PIEZO1: variants seen among roughly 807,000 people sequenced by gnomAD.
PIEZO1 encodes piezo-type mechanosensitive ion channel component 1.
PIEZO1 carries 296 observed loss-of-function variants against 297.2 expected under a neutral mutation model. The ratio of observed to expected loss-of-function variants is 1.00; its 90% CI spans 0.91 to 1.10. PIEZO1 has a LOEUF of 1.10. Among genes scored for constraint, PIEZO1 ranks in the 50% least tolerant of loss-of-function variants. The pLI is 0.00. For missense variants in PIEZO1, 5,018 were observed against 3,455.5 expected (o/e 1.45, Z -11.34); for synonymous variants, 2,427 against 1,507.5 (o/e 1.61, Z -14.13).
At chr16:88,715,888 C>T (rs569621969) in intron 50 of PIEZO1, 34 bp from the exon 51 acceptor site, 82 of 1,543,460 alleles carry the variant, frequency 5.3e-5, no homozygotes, top group Admixed American at 1.8e-4. Flanking sequence ...TGGGGCCGCC[C>T]GGAGCCCCCC....
At position 88,716,612 on chromosome 16, in the gene PIEZO1, C is replaced by T. The variant is rs1197230839; in HGVS notation, c.6873G>A (p.Glu2291=). 3 of 1,549,830 alleles carry T rather than the reference C, an allele frequency of 1.9e-6. No homozygotes were observed. In the African/African-American group the frequency reaches 4.1e-5, roughly 21 times the overall value. ...TGATGTCGGCCGTGCCGTTGTAGAG[C>T]TCCCGCTTCATCTGGGCACGGCTGG... ...SPPSRAQMKR[E]LYNGTADITL... is the part of the protein sequence containing the mutation. Residue 2291 remains glutamate, a synonymous_variant, in exon 47 of 51, where the codon GAG becomes GAA. Coordinates refer to ENST00000301015, the MANE Select transcript of PIEZO1 (RefSeq NM_001142864.4).
intron 1 of PIEZO1, among the ~76,000 whole-genome samples, chr16:88,757,948 G>A (rs1180939136): frequency 6.6e-6 from 1 of 152,200 alleles, no homozygotes; most frequent in Non-Finnish European, 1.5e-5. Flanking sequence ...CTCAGAAGGT[G>A]CCACAGAAAG....
chr16:88,720,459 C>T lies in PIEZO1; in HGVS notation c.5875G>A (p.Asp1959Asn), dbSNP rs930118164. Residue 1959 changes from aspartate (D) to asparagine (N), a missense_variant, in exon 41 of 51, where the codon GAC becomes AAC. Coordinates refer to ENST00000301015, the MANE Select transcript of PIEZO1 (RefSeq NM_001142864.4). ...GCCAGGAACATGAGGGCATAGACGT[C>T]GGTGGCTGCGCGGTACTTGGTGTGC... ...ILHTKYRAAT[D>N]VYALMFLADV... The T allele has an allele frequency of 1.0e-5, 16 of 1,550,344 alleles. No individual in the cohort carries two copies. The Admixed American group carries it at 1.2e-4, about 11-fold the overall frequency.
In PIEZO1 at chr16:88,716,561, C is replaced by T. The variant is rs1469164472; in HGVS notation, c.6924G>A (p.Gln2308=). 3 of 1,542,480 alleles carry T rather than the reference C, an allele frequency of 1.9e-6. No individual in the cohort carries two copies. Among genetic ancestry groups the T allele is most frequent in the African/African-American group, 1.4e-5 (1 of 72,972 alleles). Residue 2308 remains glutamine (Q), a splice_region_variant and synonymous_variant, in exon 47 of 51, where the codon CAG becomes CAA. Transcript: ENST00000301015. The part of the protein sequence containing the change: ...DITLRFTWNF[Q]RDLAKGGTVE... ...ACTGCCCCAAGTCCAGGACGAACCT[C>T]TGGAAGTTCCAGGTGAAGCGCAGGG...
At chr16:88,766,844 C>T (rs889765) in intron 1 of PIEZO1, among the ~76,000 whole-genome samples, 52,361 of 152,208 alleles carry the variant, frequency 0.34, 10,338 homozygotes, top group Middle Eastern at 0.46. Flanking sequence ...CCTCAGGCCA[C>T]GAGGGCCGGG....
rs889427858 is a variant in PIEZO1, at chr16:88,751,850, T to C, written c.65-2371A>G. 3.3e-5 allele frequency among the ~76,000 whole-genome samples: 5 copies of C among 152,244 alleles called. No individual in the cohort carries two copies. The Middle Eastern group carries it at 0.01, about 311-fold the overall frequency. Reference sequence around the variant, plus strand: ...TCCCCTCTGCACCTGTCCAGCCAGGTGGCAGCCGTCCATGCATCCGTCAGA... The same window carrying C: ...TCCCCTCTGCACCTGTCCAGCCAGGCGGCAGCCGTCCATGCATCCGTCAGA... On this transcript the variant is annotated intron_variant, in intron 1 of 50. Transcript: ENST00000301015.
Position 88,736,395 on chromosome 16 carries a change from G to C in PIEZO1, c.1310C>G (p.Thr437Ser). The change falls in exon 12 of 51, where the codon ACC becomes AGC. Residue 437 changes from threonine (T) to serine (S), a missense_variant. Thr to Ser is a moderately conservative substitution (Grantham distance 58, BLOSUM62 1). Coordinates refer to ENST00000301015, the MANE Select transcript of PIEZO1 (RefSeq NM_001142864.4). ...ALIAMMVWSI[T>S]YHSWLTFVLL... Reference sequence around the variant, plus strand: ...TACGAAGGTCAGCCAGCTGTGGTAGGTGATGCTCCATACCTGCGCGGCAGA... The same window carrying C: ...TACGAAGGTCAGCCAGCTGTGGTAGCTGATGCTCCATACCTGCGCGGCAGA... 1 of 1,548,934 alleles carries C rather than the reference G, an allele frequency of 6.5e-7. No individual in the cohort carries two copies. Among genetic ancestry groups the C allele is most frequent in the Non-Finnish European group, 8.7e-7 (1 of 1,146,544 alleles).
chr16:88,761,726 T>G (rs1906942709), intron 1 of PIEZO1, among the ~76,000 whole-genome samples: 1 of 150,604 alleles, frequency 6.6e-6, no homozygotes. Flanking sequence ...CTTCCCCCAC[T>G]TCCTCCTGAC....
At chr16:88,727,352 C>G (rs796596890) in intron 23 of PIEZO1, among the ~76,000 whole-genome samples, 160 bp from the exon 24 acceptor site, 1 of 152,216 alleles carries the variant, frequency 6.6e-6, no homozygotes, top group African/African-American at 2.4e-5. Context: ...GGGGGAGCCC[C>G]GGTGTGAGGG....
chr16:88,784,827 G>C, intron 1 of PIEZO1, 74 bp downstream of exon 1: 2 of 1,109,196 alleles, frequency 1.8e-6, no homozygotes, highest in South Asian at 1.6e-5. Flanking sequence ...GGCCGGCGTC[G>C]TCCGGTGTCC....
rs146952033 is a variant in PIEZO1, at chr16:88,745,950, C to T, written c.160+3434G>A. On this transcript the variant is annotated intron_variant, in intron 2 of 50. Transcript: ENST00000301015. ...GCCCCACCACGGCAGCATCCTGATG[C>T]GTGGTCCATAGCCACCATCCCCACA... Among the ~76,000 whole-genome samples, 1,336 of 152,292 alleles carry T rather than the reference C, an allele frequency of 8.8e-3. 24 individuals are homozygous for T. The highest frequency in any genetic ancestry group is 0.03 in the African/African-American group (1,260 of 41,560).
At chr16:88,721,075 C>T (rs1022791636) in intron 39 of PIEZO1, 91 bp downstream of exon 39, 1 of 1,306,192 alleles carries the variant, frequency 7.7e-7, no homozygotes, top group Non-Finnish European at 1.0e-6. Context: ...TCGCACTGGG[C>T]TTGGCCGTCT....
At chr16:88,720,008 A>C in intron 42 of PIEZO1, 48 bp from the exon 43 acceptor site, 1 of 1,549,084 alleles carries the variant, frequency 6.5e-7, no homozygotes, top group Non-Finnish European at 8.7e-7. Context: ...ACAGCCCCGC[A>C]GGGCCCCCAG....
chr16:88,729,877 C>G (rs1904684416), intron 22 of PIEZO1, among the ~76,000 whole-genome samples: 1 of 151,940 alleles, frequency 6.6e-6, no homozygotes, highest in South Asian at 2.1e-4. Flanking sequence ...ATGCTGAACC[C>G]ACAGCCCCAT....
At chr16:88,721,082 G>A (rs1166447503) in intron 39 of PIEZO1, 84 bp downstream of exon 39, 26 of 1,335,532 alleles carry the variant, frequency 1.9e-5, no homozygotes, top group Admixed American at 1.1e-4. Context: ...GGGCTTGGCC[G>A]TCTCATCTGA....
At position 88,726,608 on chromosome 16, in the gene PIEZO1, G is replaced by A. The variant is rs780986676; in HGVS notation, c.3735C>T (p.Thr1245=). The A allele has an allele frequency of 5.8e-5, 90 of 1,549,590 alleles. No individual in the cohort carries two copies. In the Admixed American group the frequency reaches 7.8e-4, roughly 14 times the overall value. The change falls in exon 26 of 51, where the codon ACC becomes ACT. Residue 1245 remains threonine, a synonymous_variant. Coordinates refer to ENST00000301015, the MANE Select transcript of PIEZO1 (RefSeq NM_001142864.4). ...AGAGCTGGATGACCCAGCAGAAGCC[G>A]GTCTGCATCTGCTCCACGAAGACGC... ...LACVFVEQMQ[T]GFCWVIQLFS... is the part of the protein sequence containing the mutation.
At chr16:88,744,579 C>A (rs1186639351) in intron 2 of PIEZO1, among the ~76,000 whole-genome samples, 1 of 151,142 alleles carries the variant, frequency 6.6e-6, no homozygotes, top group Non-Finnish European at 1.5e-5. Context: ...CCCGCCTTGC[C>A]CTGCACGACA....
intron 21 of PIEZO1, 148 bp downstream of exon 21, chr16:88,732,187 G>A (rs1567670325): frequency 9.0e-6 from 6 of 665,892 alleles, no homozygotes; most frequent in African/African-American, 1.8e-5. Context: ...AGGAGTCCAG[G>A]GAAGCCGTGC....
chr16:88,727,333 G>A (rs1267289518), intron 23 of PIEZO1, 141 bp from the exon 24 acceptor site: 3 of 1,003,048 alleles, frequency 3.0e-6, no homozygotes, highest in Non-Finnish European at 4.3e-6. Flanking sequence ...TGAGTGGCCG[G>A]GTGTCCCTGG....
Sources: allele counts gnomAD v4.1 joint callset (sites outside exome capture counted in the v4.1 genomes callset), GRCh38; gene constraint gnomAD v4.1.1; transcripts MANE v1.5; gene names NCBI Gene and HGNC (gene_info 2026-07-23, HGNC 2026-07-21).